Variants in PI15 observed in about 807,000 individuals in gnomAD.
The protein encoded by PI15 is 25 kDa trypsin inhibitor.
PI15 carries 18 observed loss-of-function variants against 31.0 expected under a neutral mutation model. That is an observed-to-expected ratio of 0.58 (90% confidence interval 0.40 to 0.86). The LOEUF (loss-of-function observed/expected upper bound fraction) is 0.86, where lower values mean the gene tolerates loss of function less well. PI15 is among the 40% of genes least tolerant of loss of function. PI15 has a pLI of 0.00. For missense variants in PI15, 282 were observed against 328.1 expected, an observed-to-expected ratio of 0.86 and a Z score of 1.09; for synonymous variants, 118 against 119.1, an observed-to-expected ratio of 0.99 and a Z score of 0.06.
intron 2 of PI15, among the ~76,000 whole-genome samples, 156 bp downstream of exon 2, chr8:74,825,678 G>C (rs553762988): frequency 6.6e-6 from 1 of 151,778 alleles, no homozygotes; most frequent in Non-Finnish European, 1.5e-5. Flanking sequence ...TAATAATGTT[G>C]AGTACTGTTG....
intron 2 of PI15, among the ~76,000 whole-genome samples, chr8:74,842,028 T>C (rs913424506): frequency 1.3e-5 from 2 of 152,198 alleles, no homozygotes; most frequent in South Asian, 2.1e-4. Context: ...TTTTTCTTAT[T>C]TTATTTTAAA....
chr8:74,832,200 G>A (rs1343900317), intron 2 of PI15, among the ~76,000 whole-genome samples: 1 of 152,106 alleles, frequency 6.6e-6, no homozygotes, highest in Non-Finnish European at 1.5e-5. Context: ...TATATGATGA[G>A]GCAGCCAAGG....
At chr8:74,846,098 G>T (rs553735739) in intron 5 of PI15, 4 of 152,524 alleles carry the variant, frequency 2.6e-5, no homozygotes, top group African/African-American at 9.6e-5. Flanking sequence ...ATGATAAAAT[G>T]TTCCAATATT....
At chr8:74,844,992 G>A in intron 3 of PI15, 136 bp from the exon 4 acceptor site, 1 of 722,544 alleles carries the variant, frequency 1.4e-6, no homozygotes, top group South Asian at 1.7e-5. Context: ...GGTGGTGATG[G>A]TGATTGTGAG....
intron 2 of PI15, among the ~76,000 whole-genome samples, chr8:74,831,464 T>G (rs1586952561): frequency 6.6e-6 from 1 of 152,124 alleles, no homozygotes; most frequent in African/African-American, 2.4e-5. Context: ...GTCCTTTAAC[T>G]TTTTCTGGTT....
rs762080678 is a variant in PI15 at position 74,845,492 on chromosome 8, C to T, written c.636C>T (p.Ala212=). 34 of 1,590,370 alleles carry T rather than the reference C, an allele frequency of 2.1e-5. No individual in the cohort carries two copies. In the East Asian group the frequency reaches 6.3e-4, roughly 29 times the overall value. ...RRAVYLVCNY[A]PKGNWIGEAP... is the part of the protein sequence containing the mutation. ...CAGTTTACTTGGTATGCAACTATGC[C>T]CCAAAGTAAGTACCAGGTTGGATTC... Residue 212 remains alanine, a synonymous_variant, in exon 5 of 6, where the codon GCC becomes GCT. Transcript: ENST00000260113.
intron 1 of PI15, 61 bp from the exon 2 acceptor site, chr8:74,825,149 A>G (rs2128762899): frequency 2.9e-3 from 1,861 of 638,160 alleles, no homozygotes; most frequent in Non-Finnish European, 4.4e-3. Flanking sequence ...GTCTTTGTAA[A>G]TTCATACCCT....
chr8:74,848,604 G>A (rs1043046880), intron 5 of PI15, among the ~76,000 whole-genome samples: 3 of 151,192 alleles, frequency 2.0e-5, no homozygotes, highest in Admixed American at 6.6e-5. Flanking sequence ...AATGACCCTG[G>A]TGTCCCAGGG....
At chr8:74,845,531 C>T (rs762981650) in intron 5 of PI15, 34 bp downstream of exon 5, 1 of 1,337,314 alleles carries the variant, frequency 7.5e-7, no homozygotes, top group Non-Finnish European at 1.1e-6. Context: ...TTCCTGGATC[C>T]TTTAAAGACG....
Position 74,845,123 on chromosome 8 carries a change from T to C in PI15, c.393-5T>C. The stretch of plus-strand genomic sequence containing the variant: ...CTCTGATTTCTTTCTTTTCTTTATA[T>C]GCAGATATCGCTCTATTCTCCAGTT... On this transcript the variant is annotated splice_region_variant and splice_polypyrimidine_tract_variant and intron_variant, in intron 3 of 5. Transcript: ENST00000260113. 6.2e-7 allele frequency: 1 copy of C among 1,610,738 alleles called. No homozygotes were observed. Among genetic ancestry groups the C allele is most frequent in the South Asian group, 1.1e-5 (1 of 91,014 alleles).
chr8:74,832,835 G>A (rs972211461), intron 2 of PI15, among the ~76,000 whole-genome samples: 1 of 151,988 alleles, frequency 6.6e-6, no homozygotes, highest in African/African-American at 2.4e-5. Context: ...TGCCCAACAA[G>A]ACTAAACTTC....
chr8:74,834,192 A>C (rs542687475), intron 2 of PI15, among the ~76,000 whole-genome samples: 1 of 152,172 alleles, frequency 6.6e-6, no homozygotes, highest in Non-Finnish European at 1.5e-5. Context: ...GGCAACGTAA[A>C]GTACCTGTTC....
At chr8:74,833,836 TA>T (rs1280099944) in intron 2 of PI15, among the ~76,000 whole-genome samples, 1 of 152,182 alleles carries the variant, frequency 6.6e-6, no homozygotes, top group African/African-American at 2.4e-5. Context: ...GCCCATGCTT[TA>T]AATCAGGGGT....
intron 2 of PI15, among the ~76,000 whole-genome samples, chr8:74,836,458 A>G (rs1810873909): frequency 6.6e-6 from 1 of 152,170 alleles, no homozygotes; most frequent in South Asian, 2.1e-4. Context: ...GGGGTCTAGA[A>G]ATACAATTTG....
chr8:74,845,703 A>G (rs1173747352), intron 5 of PI15, among the ~76,000 whole-genome samples: 4 of 152,226 alleles, frequency 2.6e-5, no homozygotes, highest in Non-Finnish European at 5.9e-5. Flanking sequence ...TCAAAATTGT[A>G]GGCAAAACAA....
In PI15 at chr8:74,854,270, A is replaced by G. The variant is rs773660215; in HGVS notation, c.*5017A>G. The G allele has an allele frequency of 6.6e-5, 10 of 152,122 alleles. No individual in the cohort carries two copies. The highest frequency in any genetic ancestry group is 1.2e-4 in the Non-Finnish European group (8 of 67,968). 9.4% of individuals were successfully genotyped at this position (152,122 alleles called of 1,614,324 possible). On this transcript the variant is annotated 3_prime_UTR_variant, in exon 6 of 6. Coordinates refer to ENST00000260113, the MANE Select transcript of PI15 (RefSeq NM_015886.5). ...GACAGATTTCTTAAATTATGTTAGCATAATCAAGGAAGATTTACCTTGAAG... is the reference window on the plus strand; with the variant it reads ...GACAGATTTCTTAAATTATGTTAGCGTAATCAAGGAAGATTTACCTTGAAG...
intron 2 of PI15, chr8:74,826,383 C>T (rs758968652): frequency 2.4e-6 from 1 of 425,208 alleles, no homozygotes; most frequent in Non-Finnish European, 3.1e-6. Context: ...GTACCACTAA[C>T]AGTTTTATAT....
At chr8:74,835,145 C>T (rs1272082573) in intron 2 of PI15, among the ~76,000 whole-genome samples, 1 of 152,120 alleles carries the variant, frequency 6.6e-6, no homozygotes, top group Admixed American at 6.5e-5. Context: ...CAAAATTGAG[C>T]TCCAGATATT....
chr8:74,849,330 T>G lies in PI15; in HGVS notation c.*77T>G. The G allele has an allele frequency of 1.8e-6, 2 of 1,127,622 alleles. No homozygotes were observed. The highest frequency in any genetic ancestry group is 2.6e-5 in the East Asian group (1 of 38,676). 69.9% of individuals were successfully genotyped at this position (1,127,622 alleles called of 1,614,324 possible). ...ATATATATATATGGAGAGAGAATTT[T>G]GCACATATTATACATATTTTGTGCT... On this transcript the variant is annotated 3_prime_UTR_variant, in exon 6 of 6. Coordinates refer to ENST00000260113, the MANE Select transcript of PI15 (RefSeq NM_015886.5).
Sources: gnomAD v4.1 joint callset for allele counts (sites outside exome capture counted in the v4.1 genomes callset) on GRCh38, gnomAD v4.1.1 for gene constraint, MANE v1.5 for transcripts, NCBI Gene and HGNC (gene_info 2026-07-23, HGNC 2026-07-21) for gene names.